The following CTNND2 variants were observed in gnomAD, a reference collection of about 807,000 sequenced individuals.
CTNND2 encodes catenin delta 2, also known as catenin delta-2.
CTNND2 carries 22 observed loss-of-function variants against 144.4 expected under a neutral mutation model. The observed-to-expected ratio is 0.15, with a 90% CI of 0.11 to 0.22. The LOEUF is 0.22. Among genes scored for constraint, CTNND2 ranks in the 10% least tolerant of loss-of-function variants. The probability of loss-of-function intolerance (pLI) is 1.00; values close to 1 mark genes in which losing one functional copy is unlikely to be tolerated. For missense variants in CTNND2, 1,353 were observed against 1,618.8 expected (o/e 0.84, Z 2.82); for synonymous variants, 751 against 695.6 (o/e 1.08, Z -1.25).
At chr5:11,139,374 G>A (rs1045249542) in intron 12 of CTNND2, among the ~76,000 whole-genome samples, 13 of 152,210 alleles carry the variant, frequency 8.5e-5, no homozygotes, top group East Asian at 3.8e-4. Context: ...GTGAAAGCAC[G>A]CTGACAGTGG....
intron 19 of CTNND2, among the ~76,000 whole-genome samples, chr5:10,991,200 A>ATATT (rs1242581290): frequency 1.3e-5 from 2 of 152,174 alleles, no homozygotes; most frequent in Non-Finnish European, 2.9e-5. Flanking sequence ...TTTCAGTCAG[A>ATATT]TATTGGCCAT....
chr5:11,844,401 C>T (rs1344812257), intron 1 of CTNND2, among the ~76,000 whole-genome samples: 2 of 152,018 alleles, frequency 1.3e-5, no homozygotes, highest in African/African-American at 4.8e-5. Flanking sequence ...CACATACACA[C>T]ACATACACAT....
At chr5:11,296,660 AT>A (rs1749051745) in intron 9 of CTNND2, among the ~76,000 whole-genome samples, 1 of 152,252 alleles carries the variant, frequency 6.6e-6, no homozygotes, top group African/African-American at 2.4e-5. Context: ...GCCATAAAAA[AT>A]GATGAGTTCA....
At chr5:11,504,043 G>A (rs191886223) in intron 3 of CTNND2, among the ~76,000 whole-genome samples, 5 of 152,252 alleles carry the variant, frequency 3.3e-5, no homozygotes, top group Non-Finnish European at 5.9e-5. Flanking sequence ...AATTATCAAC[G>A]TACAAAACAT....
intron 12 of CTNND2, among the ~76,000 whole-genome samples, chr5:11,143,898 TCGC>T: frequency 2.0e-5 from 3 of 151,574 alleles, no homozygotes; most frequent in African/African-American, 7.3e-5. Context: ...ATAGGGGCAG[TCGC>T]CAGGTCTACA....
chr5:11,413,149 A>C (rs1002795316), intron 3 of CTNND2, among the ~76,000 whole-genome samples: 2 of 152,210 alleles, frequency 1.3e-5, no homozygotes, highest in African/African-American at 4.8e-5. Flanking sequence ...TATAATAATG[A>C]GAGCTGTAGA....
intron 1 of CTNND2, among the ~76,000 whole-genome samples, chr5:11,881,887 C>T (rs1469000512): frequency 6.6e-6 from 1 of 151,896 alleles, no homozygotes; most frequent in Non-Finnish European, 1.5e-5. Flanking sequence ...CACATTCTTG[C>T]CAGCATTTGT....
At position 11,774,406 on chromosome 5, in the gene CTNND2, G is replaced by C. The variant is rs573337793; in HGVS notation, c.38-42134C>G. Among the ~76,000 whole-genome samples the C allele has an allele frequency of 7.2e-5, 8 of 110,398 alleles. No homozygotes were observed. In the East Asian group the frequency reaches 1.9e-3, roughly 27 times the overall value. 72.4% of individuals were successfully genotyped at this position (110,398 alleles called of 152,430 possible). On this transcript the variant is annotated intron_variant, in intron 1 of 21. Transcript: ENST00000304623. ...CACACTCTGGGGACCATGGTGGGGT[G>C]GGGGGAGGGGGGAGGGATAGCACTG...
At chr5:11,732,954 G>A (rs1233347754) in intron 1 of CTNND2, among the ~76,000 whole-genome samples, 1 of 152,112 alleles carries the variant, frequency 6.6e-6, no homozygotes, top group Non-Finnish European at 1.5e-5. Context: ...TAAAACCCCA[G>A]AGGACTGGGT....
At position 10,994,398 on chromosome 5, in the gene CTNND2, G is replaced by A. The variant is rs1381237205; in HGVS notation, c.3085-1721C>T. The stretch of plus-strand genomic sequence containing the variant: ...GGGGCCGGGGAAAGAGGAGGGGGGC[G>A]GGGAACGAGGAACGGGGCGGGGAAG... On this transcript the variant is annotated intron_variant, in intron 18 of 21. Transcript: ENST00000304623. Among the ~76,000 whole-genome samples the A allele has an allele frequency of 1.6e-4, 6 of 36,398 alleles. No homozygotes were observed. In the East Asian group the frequency reaches 7.1e-3, roughly 43 times the overall value. The allele number at this position is 36,398 out of a possible 152,430, so 23.9% of individuals were successfully genotyped here.
intron 2 of CTNND2, 57 bp downstream of exon 2, chr5:11,732,079 A>G: frequency 1.3e-6 from 2 of 1,557,892 alleles, no homozygotes; most frequent in South Asian, 1.2e-5. Flanking sequence ...GTTCATCTAG[A>G]AAAACAATTT....
chr5:11,165,591 A>T (rs1221594449), intron 11 of CTNND2, among the ~76,000 whole-genome samples: 1 of 152,206 alleles, frequency 6.6e-6, no homozygotes, highest in East Asian at 1.9e-4. Flanking sequence ...TTTCCATCCA[A>T]TAGCTTTCCT....
chr5:11,676,185 A>G (rs1466518927), intron 2 of CTNND2, among the ~76,000 whole-genome samples: 1 of 152,052 alleles, frequency 6.6e-6, no homozygotes, highest in Non-Finnish European at 1.5e-5. Context: ...ACTACCTTTT[A>G]GGTATAAAAA....
chr5:11,667,038 T>C (rs565349462), intron 2 of CTNND2, among the ~76,000 whole-genome samples: 3 of 152,006 alleles, frequency 2.0e-5, no homozygotes, highest in Non-Finnish European at 4.4e-5. Context: ...TGTTCTTGTG[T>C]TAGTTTACTG....
At chr5:11,784,054 G>T (rs143898316) in intron 1 of CTNND2, among the ~76,000 whole-genome samples, 1 of 152,266 alleles carries the variant, frequency 6.6e-6, no homozygotes, top group African/African-American at 2.4e-5. Flanking sequence ...AAACAAACCA[G>T]AACAAAAACA....
At chr5:11,425,448 C>T (rs1032200826) in intron 3 of CTNND2, among the ~76,000 whole-genome samples, 1 of 152,144 alleles carries the variant, frequency 6.6e-6, no homozygotes, top group South Asian at 2.1e-4. Flanking sequence ...ATACTTGAAA[C>T]GGGAAAGATG....
At chr5:11,253,494 T>G (rs1414863929) in intron 9 of CTNND2, among the ~76,000 whole-genome samples, 1 of 152,178 alleles carries the variant, frequency 6.6e-6, no homozygotes, top group Non-Finnish European at 1.5e-5. Flanking sequence ...TTTTCCCCTT[T>G]TGCTTGGCTC....
At chr5:11,283,794 A>G (rs141357159) in intron 9 of CTNND2, among the ~76,000 whole-genome samples, 28 of 151,502 alleles carry the variant, frequency 1.8e-4, no homozygotes, top group Admixed American at 9.2e-4. Flanking sequence ...ATACATTTTT[A>G]GAAAATAAGT....
chr5:11,118,737 T>C (rs1753797800), intron 12 of CTNND2, among the ~76,000 whole-genome samples: 1 of 152,134 alleles, frequency 6.6e-6, no homozygotes, highest in African/African-American at 2.4e-5. Context: ...ATGAAATGAA[T>C]CTCCAGCCCG....
Sources: allele counts gnomAD v4.1 joint callset (sites outside exome capture counted in the v4.1 genomes callset), GRCh38; gene constraint gnomAD v4.1.1; transcripts MANE v1.5; gene names NCBI Gene and HGNC (gene_info 2026-07-23, HGNC 2026-07-21).